The following OR56A3 variants were observed in gnomAD, a reference collection of about 807,000 sequenced individuals.
OR56A3 encodes the protein olfactory receptor family 56 subfamily A member 3.
Under a neutral mutation model 17.5 loss-of-function variants are expected in OR56A3, and 23 were observed. The observed-to-expected ratio is 1.32, with a 90% CI of 0.95 to 1.87. The LOEUF is 1.87. Among genes scored for constraint, OR56A3 ranks in the 40% most tolerant of loss-of-function variants. The pLI, the probability that OR56A3 is intolerant of heterozygous loss-of-function variation, is 0.00. For missense variants in OR56A3, 366 were observed against 380.1 expected (o/e 0.96, Z 0.31); for synonymous variants, 175 against 150.6 (o/e 1.16, Z -1.19).
chr11:6,002,521 C>G, the OR56A3 span: 4 of 1,614,104 alleles, frequency 2.5e-6, no homozygotes, highest in East Asian at 8.9e-5. Flanking sequence ...GGAAGAGAAA[C>G]AAAGGCATTC....
the OR56A3 span, among the ~76,000 whole-genome samples, chr11:5,970,955 A>C: frequency 6.6e-6 from 1 of 152,246 alleles, no homozygotes; most frequent in Non-Finnish European, 1.5e-5. Context: ...ATAAGAAAAA[A>C]TAAAAAAGGA....
downstream of OR56A3, chr11:5,951,453 T>C (rs1356623432): frequency 1.3e-5 from 2 of 152,088 alleles, no homozygotes; most frequent in Non-Finnish European, 2.9e-5. Flanking sequence ...ATTGTTATAG[T>C]ATATTATAAA....
the OR56A3 span, chr11:6,002,828 C>T: frequency 2.0e-5 from 33 of 1,613,852 alleles, no homozygotes; most frequent in Non-Finnish European, 2.7e-5. Flanking sequence ...GCAGAGAGGC[C>T]TCCAGCTGGA....
chr11:5,982,934 C>T, the OR56A3 span, among the ~76,000 whole-genome samples: 1 of 152,144 alleles, frequency 6.6e-6, no homozygotes, highest in Non-Finnish European at 1.5e-5. Flanking sequence ...TTCCAGCTTC[C>T]TCCTCTTTCA....
At position 5,948,146 on chromosome 11, in the gene OR56A3, T is replaced by A. The variant is rs769500455; in HGVS notation, c.800T>A (p.Val267Glu). The change falls in exon 3 of 3, where the codon GTG becomes GAG. Residue 267 changes from valine (V) to glutamate (E), a missense_variant. Coordinates refer to ENST00000641160, the MANE Select transcript of OR56A3 (RefSeq NM_001003443.3). The part of the protein sequence containing the change: ...TILLVFVLTH[V>E]AKKKVSPDVP... ...CTTCTGGTTTTTGTCCTCACACATGTGGCTAAGAAGAAAGTCTCCCCTGAT... is the reference window on the plus strand; with the variant it reads ...CTTCTGGTTTTTGTCCTCACACATGAGGCTAAGAAGAAAGTCTCCCCTGAT... 10 of 1,614,234 alleles carry A rather than the reference T, an allele frequency of 6.2e-6. No homozygotes were observed. The highest frequency in any genetic ancestry group is 6.8e-6 in the Non-Finnish European group (8 of 1,180,034).
the OR56A3 span, among the ~76,000 whole-genome samples, chr11:5,998,820 G>A: frequency 7.9e-5 from 12 of 152,328 alleles, no homozygotes; most frequent in African/African-American, 2.4e-4. Flanking sequence ...CATGAATTAC[G>A]AAGATAATTT....
chr11:5,952,557 T>C (rs1415671528), downstream of OR56A3, among the ~76,000 whole-genome samples: 1 of 151,698 alleles, frequency 6.6e-6, no homozygotes, highest in African/African-American at 2.4e-5. Flanking sequence ...AGGGGGTACA[T>C]GTAGGAAACT....
the OR56A3 span, among the ~76,000 whole-genome samples, chr11:6,016,695 G>T: frequency 2.0e-5 from 3 of 150,484 alleles, no homozygotes; most frequent in Non-Finnish European, 4.4e-5. Context: ...GCCTGAAAAA[G>T]AATTTCAAAT....
chr11:5,956,713 A>G, the OR56A3 span, among the ~76,000 whole-genome samples: 60 of 152,286 alleles, frequency 3.9e-4, no homozygotes, highest in Admixed American at 1.8e-3. Context: ...TGCTTCTCCC[A>G]TAGGTCAAAA....
rs1306413660 is a variant in OR56A3, at chr11:5,950,922, T to C, written c.*2628T>C. On this transcript the variant is annotated 3_prime_UTR_variant, in exon 3 of 3. Transcript: ENST00000641160. ...ATAGAAAATAAAGTTAATTAGAAAA[T>C]ATGTATTCTTCTTGAAATACATCTT... The C allele has an allele frequency of 1.3e-5, 2 of 152,140 alleles. No individual in the cohort carries two copies. Among genetic ancestry groups the C allele is most frequent in the African/African-American group, 4.8e-5 (2 of 41,448 alleles). 9.4% of individuals were successfully genotyped at this position (152,140 alleles called of 1,614,324 possible).
At chr11:5,963,671 G>A in the OR56A3 span, among the ~76,000 whole-genome samples, 2 of 152,030 alleles carry the variant, frequency 1.3e-5, no homozygotes, top group Non-Finnish European at 2.9e-5. Context: ...ATGTCTTGGA[G>A]TAGTCTTAGG....
At chr11:5,960,806 G>A in the OR56A3 span, among the ~76,000 whole-genome samples, 2 of 151,690 alleles carry the variant, frequency 1.3e-5, no homozygotes, top group Non-Finnish European at 2.9e-5. Flanking sequence ...TCCCATCTAG[G>A]AAGTGAGGAG....
At position 5,947,608 on chromosome 11, in the gene OR56A3, A is replaced by G; in HGVS notation, c.262A>G (p.Ile88Val). 2 of 1,614,166 alleles carry G rather than the reference A, an allele frequency of 1.2e-6. No homozygotes were observed. Among genetic ancestry groups the G allele is most frequent in the Non-Finnish European group, 1.7e-6 (2 of 1,180,026 alleles). ...CLTVIPKVLTIFWFDLRPISF... is the reference protein window; with the variant it reads ...CLTVIPKVLTVFWFDLRPISF... ...CACTGTCATCCCCAAGGTCCTGACC[A>G]TCTTCTGGTTTGACCTCAGGCCCAT... Residue 88 changes from isoleucine (I) to valine (V), a missense_variant, in exon 3 of 3, where the codon ATC becomes GTC. Transcript: ENST00000641160.
chr11:5,994,105 T>G, the OR56A3 span: 96 of 489,694 alleles, frequency 2.0e-4, 1 homozygote, highest in Admixed American at 2.2e-3. Flanking sequence ...GTGCTGCCTG[T>G]CTGCTTAGGT....
At position 5,948,105 on chromosome 11, in the gene OR56A3, C is replaced by G. The variant is rs756454626; in HGVS notation, c.759C>G (p.Leu253=). 2.5e-6 allele frequency: 4 copies of G among 1,614,148 alleles called. No individual in the cohort carries two copies. The highest frequency in any genetic ancestry group is 3.4e-6 in the Non-Finnish European group (4 of 1,180,060). The change falls in exon 3 of 3, where the codon CTC becomes CTG. Residue 253 remains leucine, a synonymous_variant. Coordinates refer to ENST00000641160, the MANE Select transcript of OR56A3 (RefSeq NM_001003443.3). Reference sequence around the variant, plus strand: ...GTGGCTCCCACTTCATGCTCATCCTCTTCTTCAGCACCATCCTTCTGGTTT... The same window carrying G: ...GTGGCTCCCACTTCATGCTCATCCTGTTCTTCAGCACCATCCTTCTGGTTT... ...STCGSHFMLI[L]FFSTILLVFV...
At chr11:5,986,606 C>T in the OR56A3 span, 65 of 1,613,888 alleles carry the variant, frequency 4.0e-5, no homozygotes, top group East Asian at 8.9e-5. Context: ...TACCCAATCT[C>T]GTGGGCATGA....
the OR56A3 span, chr11:6,019,807 T>G: frequency 6.6e-6 from 1 of 152,142 alleles, no homozygotes; most frequent in Non-Finnish European, 1.5e-5. Flanking sequence ...GTCAGAAGGC[T>G]TTTTCTCAAA....
chr11:5,999,726 T>C, the OR56A3 span: 1 of 152,254 alleles, frequency 6.6e-6, no homozygotes, highest in Non-Finnish European at 1.5e-5. Context: ...TCTACAGATT[T>C]TGTTCAACAC....
the OR56A3 span, among the ~76,000 whole-genome samples, chr11:5,984,205 A>G: frequency 6.6e-6 from 1 of 152,200 alleles, no homozygotes; most frequent in African/African-American, 2.4e-5. Context: ...ACATTTTTAA[A>G]CAAACAAAAA....
Sources: allele counts gnomAD v4.1 joint callset (sites outside exome capture counted in the v4.1 genomes callset), GRCh38; gene constraint gnomAD v4.1.1; transcripts MANE v1.5; gene names NCBI Gene and HGNC (gene_info 2026-07-23, HGNC 2026-07-21).